NTRK3: variants seen among roughly 807,000 people sequenced by gnomAD.
The protein encoded by NTRK3 is NT-3 growth factor receptor.
In NTRK3, 24 loss-of-function variants were observed where a neutral mutation model predicts 91.7. The ratio of observed to expected loss-of-function variants is 0.26; its 90% CI spans 0.19 to 0.37. The LOEUF (loss-of-function observed/expected upper bound fraction) is 0.37, where lower values mean the gene tolerates loss of function less well. NTRK3 is among the 10% of genes least tolerant of loss of function. The probability of loss-of-function intolerance (pLI) is 1.00; values close to 1 mark genes in which losing one functional copy is unlikely to be tolerated. For synonymous variants in NTRK3, 483 were observed against 404.0 expected (o/e 1.20, Z -2.34); for missense variants, 880 against 1,068.9 (o/e 0.82, Z 2.46).
exon 9 of NTRK3, chr15:88,136,005 G>A (rs760303434): frequency 3.1e-6 from 5 of 1,614,254 alleles, no homozygotes; most frequent in Admixed American, 1.7e-5. Flanking sequence ...CCAGCGTCAA[G>A]TTGATGGCAT....
In NTRK3 at chr15:88,128,738, C is replaced by T. The variant is rs368360917; in HGVS notation, c.1205-4G>A. ...AAGATAAAGTTATCCGTGCTCTCTG[C>T]AAAAAAAGGACAAAGAGATAATTAA... On this transcript the variant is annotated splice_region_variant and splice_polypyrimidine_tract_variant and intron_variant, in intron 10 of 18. Transcript: ENST00000394480. 5.6e-6 allele frequency: 9 copies of T among 1,613,266 alleles called. No homozygotes were observed. In the East Asian group the frequency reaches 8.9e-5, roughly 16 times the overall value.
intron 13 of NTRK3, among the ~76,000 whole-genome samples, chr15:88,104,577 TA>T (rs2050507799): frequency 1.3e-5 from 2 of 152,224 alleles, no homozygotes; most frequent in African/African-American, 4.8e-5. Context: ...ACTTCCCAGC[TA>T]TCAGCACTGA....
rs531646570 is a variant in NTRK3, at chr15:87,933,271, A to G, written c.1717-87T>C. The G allele has an allele frequency of 8.4e-3, 10,749 of 1,273,034 alleles. 692 individuals are homozygous for G. In the African/African-American group the frequency reaches 0.14, roughly 16 times the overall value. The allele number at this position is 1,273,034 out of a possible 1,614,324, so 78.9% of individuals were successfully genotyped here. On this transcript the variant is annotated intron_variant, in intron 15 of 18. Coordinates refer to ENST00000394480, the Ensembl canonical transcript of NTRK3. ...TCCTGGAAAGAAACTGGCCCCACAC[A>G]CCACTGGGTTACCAATAAATATGAA...
chr15:88,108,029 G>A (rs1399637835), intron 13 of NTRK3, among the ~76,000 whole-genome samples: 2 of 152,140 alleles, frequency 1.3e-5, no homozygotes, highest in Non-Finnish European at 2.9e-5. Flanking sequence ...ATCAGGAGAC[G>A]CTGACAGTAG....
intron 14 of NTRK3, among the ~76,000 whole-genome samples, chr15:87,961,894 A>T (rs2072330831): frequency 6.6e-6 from 1 of 152,228 alleles, no homozygotes; most frequent in African/African-American, 2.4e-5. Flanking sequence ...CCTTGATTCC[A>T]ACTACCCCTG....
intron 13 of NTRK3, among the ~76,000 whole-genome samples, chr15:88,086,279 T>C (rs1004810679): frequency 2.6e-5 from 4 of 152,240 alleles, no homozygotes; most frequent in Non-Finnish European, 4.4e-5. Flanking sequence ...CGATCTGCAA[T>C]GTCCAACTCA....
At chr15:88,246,166 A>G (rs1443045034) in intron 3 of NTRK3, among the ~76,000 whole-genome samples, 1 of 152,216 alleles carries the variant, frequency 6.6e-6, no homozygotes, top group East Asian at 1.9e-4. Context: ...TGCATGGAAC[A>G]AGACAGCACC....
At chr15:88,232,518 T>G (rs949714799) in intron 3 of NTRK3, among the ~76,000 whole-genome samples, 5 of 152,208 alleles carry the variant, frequency 3.3e-5, no homozygotes, top group Admixed American at 2.6e-4. Context: ...ATAATTATAT[T>G]CCTTAAATCA....
chr15:88,136,864 G>A (rs1276337180), intron 7 of NTRK3, among the ~76,000 whole-genome samples: 1 of 152,182 alleles, frequency 6.6e-6, no homozygotes, highest in Non-Finnish European at 1.5e-5. Flanking sequence ...TGGGGGCAGT[G>A]CTTAGGGAAT....
intron 14 of NTRK3, among the ~76,000 whole-genome samples, chr15:87,964,277 G>C (rs1470868198): frequency 6.6e-6 from 1 of 151,912 alleles, no homozygotes; most frequent in Non-Finnish European, 1.5e-5. Context: ...AAAAAGGGGA[G>C]TGCTCTCATT....
At chr15:87,904,561 GA>G (rs2066643590) in intron 17 of NTRK3, among the ~76,000 whole-genome samples, 1 of 152,158 alleles carries the variant, frequency 6.6e-6, no homozygotes. Flanking sequence ...ATGCATCTAT[GA>G]CCAAGTCTCT....
At chr15:88,178,897 C>G (rs2046229462) in intron 5 of NTRK3, among the ~76,000 whole-genome samples, 1 of 152,192 alleles carries the variant, frequency 6.6e-6, no homozygotes, top group Non-Finnish European at 1.5e-5. Context: ...ATGCCCACCT[C>G]TCCTATAAGA....
intron 3 of NTRK3, among the ~76,000 whole-genome samples, chr15:88,184,658 C>A (rs56738393): frequency 5.3e-5 from 8 of 152,298 alleles, no homozygotes; most frequent in African/African-American, 1.9e-4. Flanking sequence ...TTTTCCTATT[C>A]AGAATTTCCT....
In NTRK3 at chr15:88,057,723, A is replaced by G. The variant is rs150717863; in HGVS notation, c.1397-24678T>C. 1.4e-4 allele frequency among the ~76,000 whole-genome samples: 21 copies of G among 152,304 alleles called. No homozygotes were observed. In the East Asian group the frequency reaches 3.9e-3, roughly 28 times the overall value. On this transcript the variant is annotated intron_variant, in intron 13 of 18. Transcript: ENST00000394480. The stretch of plus-strand genomic sequence containing the variant: ...CCCTGGGGGCTGTGAGCTGCCGGGA[A>G]AACCCTGACTCCCACTTCCAGCCAC...
intron 13 of NTRK3, among the ~76,000 whole-genome samples, chr15:88,044,018 C>A (rs2079904976): frequency 6.6e-6 from 1 of 152,114 alleles, no homozygotes; most frequent in African/African-American, 2.4e-5. Flanking sequence ...GAGTGATGAT[C>A]TGAAATACCT....
At chr15:88,012,255 G>A (rs966113140) in intron 14 of NTRK3, among the ~76,000 whole-genome samples, 2 of 152,192 alleles carry the variant, frequency 1.3e-5, no homozygotes, top group Non-Finnish European at 2.9e-5. Context: ...CATTTTGACA[G>A]GGTGCTAGGA....
intron 13 of NTRK3, among the ~76,000 whole-genome samples, chr15:88,118,313 C>CA (rs2052330570): frequency 6.6e-6 from 1 of 152,166 alleles, no homozygotes; most frequent in South Asian, 2.1e-4. Context: ...CTCTTCCGCG[C>CA]AAGTGAAAGC....
chr15:88,059,972 C>G (rs1207037948), intron 13 of NTRK3, among the ~76,000 whole-genome samples: 1 of 152,120 alleles, frequency 6.6e-6, no homozygotes, highest in Non-Finnish European at 1.5e-5. Context: ...AGAAACCAAC[C>G]CTACCACTAC....
At chr15:88,023,640 G>A (rs1265361026) in intron 14 of NTRK3, among the ~76,000 whole-genome samples, 2 of 152,116 alleles carry the variant, frequency 1.3e-5, no homozygotes, top group African/African-American at 4.8e-5. Context: ...CACCCACCTT[G>A]GTCCTATTTC....
Sources: allele counts gnomAD v4.1 joint callset (sites outside exome capture counted in the v4.1 genomes callset), GRCh38; gene constraint gnomAD v4.1.1; transcripts MANE v1.5; gene names NCBI Gene and HGNC (gene_info 2026-07-23, HGNC 2026-07-21).